Variants in ARPC1A observed in about 807,000 individuals in gnomAD.
ARPC1A encodes actin related protein 2/3 complex subunit 1A, also known as actin-related protein 2/3 complex subunit 1A.
A neutral mutation model predicts 46.9 loss-of-function variants in ARPC1A; 8 were observed. That is an observed-to-expected ratio of 0.17 (90% CI 0.10 to 0.31). ARPC1A has a LOEUF of 0.31. Ranked by LOEUF, ARPC1A falls within the 10% of genes least tolerant of loss-of-function variation. The probability of loss-of-function intolerance (pLI) is 1.00; values close to 1 mark genes in which losing one functional copy is unlikely to be tolerated. For missense variants in ARPC1A, 286 were observed against 483.6 expected (o/e 0.59, Z 3.83); for synonymous variants, 152 against 169.0 (o/e 0.90, Z 0.78).
chr7:99,330,111 T>C (rs1018230222), intron 1 of ARPC1A, among the ~76,000 whole-genome samples: 12 of 152,176 alleles, frequency 7.9e-5, no homozygotes, highest in African/African-American at 2.4e-5. Flanking sequence ...CATTTAAAAT[T>C]TTTTTAAATT....
chr7:99,341,864 TCAAGGA>T, intron 3 of ARPC1A, among the ~76,000 whole-genome samples: 1 of 151,952 alleles, frequency 6.6e-6, no homozygotes, highest in East Asian at 1.9e-4. Context: ...GGGCAGGAGA[TCAAGGA>T]TCAGACATAT....
At chr7:99,344,157 ATAGT>A (rs1378433446) in intron 3 of ARPC1A, 132 bp from the exon 4 acceptor site, 3 of 732,636 alleles carry the variant, frequency 4.1e-6, no homozygotes, top group Non-Finnish European at 6.9e-6. Flanking sequence ...CAGGACATAG[ATAGT>A]GGGAAGGATG....
chr7:99,357,661 T>C (rs988417448), intron 6 of ARPC1A, among the ~76,000 whole-genome samples: 1 of 152,104 alleles, frequency 6.6e-6, no homozygotes, highest in Non-Finnish European at 1.5e-5. Context: ...GTTTCTTGCA[T>C]GAAGTGAGGT....
intron 9 of ARPC1A, among the ~76,000 whole-genome samples, chr7:99,364,235 G>C (rs1043898736): frequency 6.6e-6 from 1 of 151,030 alleles, no homozygotes; most frequent in Non-Finnish European, 1.5e-5. Flanking sequence ...GATTACAGGC[G>C]TGAGCCACCA....
chr7:99,358,792 G>A (rs1028357492), intron 7 of ARPC1A: 25 of 179,702 alleles, frequency 1.4e-4, no homozygotes, highest in Non-Finnish European at 2.7e-4. Context: ...CACCCACCTT[G>A]GCCTCCCAAA....
intron 5 of ARPC1A, among the ~76,000 whole-genome samples, chr7:99,353,281 C>G (rs1793577434): frequency 6.6e-6 from 1 of 151,320 alleles, no homozygotes; most frequent in South Asian, 2.1e-4. Context: ...GCCTCAGCCT[C>G]CGGAGTAGCT....
At chr7:99,349,056 GGTT>G (rs890123816) in intron 5 of ARPC1A, 97 bp downstream of exon 5, 33 of 1,282,556 alleles carry the variant, frequency 2.6e-5, no homozygotes, top group Non-Finnish European at 3.4e-5. Flanking sequence ...GTTTTGTTGT[GGTT>G]GTTGTTGTTT....
Position 99,327,925 on chromosome 7 carries a change from C to G in ARPC1A, c.-30+1921C>G, listed in dbSNP as rs560461380. Among the ~76,000 whole-genome samples the G allele has an allele frequency of 2.8e-4, 42 of 152,228 alleles. No homozygotes were observed. The South Asian group carries it at 8.7e-3, about 32-fold the overall frequency. ...GAGTGATTAGGAACTAGGTGAATCA[C>G]GGTCTTGAAAACTGACCCTAAACAG... On this transcript the variant is annotated intron_variant, in intron 1 of 9. Transcript: ENST00000262942.
At chr7:99,351,011 G>C (rs1157842047) in intron 5 of ARPC1A, among the ~76,000 whole-genome samples, 1 of 151,594 alleles carries the variant, frequency 6.6e-6, no homozygotes, top group Non-Finnish European at 1.5e-5. Context: ...TTTATATCCA[G>C]GAATACTCAA....
At chr7:99,350,286 T>C in intron 5 of ARPC1A, among the ~76,000 whole-genome samples, 1 of 152,182 alleles carries the variant, frequency 6.6e-6, no homozygotes, top group South Asian at 2.1e-4. Context: ...CCTTTCTCCC[T>C]GTCTTTCTTG....
chr7:99,349,154 G>A (rs746711076), intron 5 of ARPC1A, among the ~76,000 whole-genome samples, 195 bp downstream of exon 5: 11 of 152,076 alleles, frequency 7.2e-5, no homozygotes, highest in South Asian at 2.1e-4. Context: ...GGGCTCAAGC[G>A]ATCCTCCAGC....
chr7:99,345,682 G>A (rs1007701809), intron 4 of ARPC1A, among the ~76,000 whole-genome samples: 2 of 151,896 alleles, frequency 1.3e-5, no homozygotes, highest in Non-Finnish European at 2.9e-5. Context: ...TTATTTTTCT[G>A]TGTGGCATGT....
chr7:99,359,668 A>C lies in ARPC1A; in HGVS notation c.913A>C (p.Asn305His). 6.2e-7 allele frequency: 1 copy of C among 1,614,210 alleles called. No individual in the cohort carries two copies. Among genetic ancestry groups the C allele is most frequent in the Non-Finnish European group, 8.5e-7 (1 of 1,180,054 alleles). Reference sequence around the variant, plus strand: ...CATGTCTGCCATGGAACGCTTCCGCAACATGGACAAGAGAGCCACAACTGA... The same window carrying C: ...CATGTCTGCCATGGAACGCTTCCGCCACATGGACAAGAGAGCCACAACTGA... The part of the protein sequence containing the change: ...RNMSAMERFR[N>H]MDKRATTEDR... The change falls in exon 8 of 10, where the codon AAC (asparagine) becomes CAC (histidine). Residue 305 changes from asparagine to histidine, a missense_variant. Coordinates refer to ENST00000262942, the MANE Select transcript of ARPC1A (RefSeq NM_006409.4).
intron 8 of ARPC1A, among the ~76,000 whole-genome samples, chr7:99,361,461 C>CA (rs5886105): frequency 0.047 from 5,126 of 110,072 alleles, 141 homozygotes; most frequent in South Asian, 0.075. Context: ...GATCCTATCT[C>CA]AAAAAAAAAA....
At chr7:99,353,787 AT>A (rs554466208) in intron 5 of ARPC1A, 121 bp from the exon 6 acceptor site, 865 of 921,368 alleles carry the variant, frequency 9.4e-4, no homozygotes, top group Non-Finnish European at 1.1e-3. Context: ...CTCATGTTTT[AT>A]TTTTTTTTAA....
chr7:99,332,604 A>ATTT (rs57321957), intron 1 of ARPC1A, among the ~76,000 whole-genome samples: 3 of 141,860 alleles, frequency 2.1e-5, no homozygotes, highest in African/African-American at 7.7e-5. Context: ...AATGAGATAG[A>ATTT]TTTTTTTTTT....
Position 99,366,058 on chromosome 7 carries a change from T to G in ARPC1A, c.*129T>G, listed in dbSNP as rs1793836128. 8.8e-7 allele frequency: 1 copy of G among 1,130,246 alleles called. No individual in the cohort carries two copies. The highest frequency in any genetic ancestry group is 1.2e-6 in the Non-Finnish European group (1 of 812,596). 70.0% of individuals were successfully genotyped at this position (1,130,246 alleles called of 1,614,324 possible). On this transcript the variant is annotated 3_prime_UTR_variant, in exon 10 of 10. Coordinates refer to ENST00000262942, the MANE Select transcript of ARPC1A (RefSeq NM_006409.4). ...CATATCACGCCAATGCCGTGTGGTTTTGTTTGAATATAAAATTGGTGAAAG... is the reference window on the plus strand; with the variant it reads ...CATATCACGCCAATGCCGTGTGGTTGTGTTTGAATATAAAATTGGTGAAAG...
intron 8 of ARPC1A, among the ~76,000 whole-genome samples, chr7:99,362,670 C>T (rs191909015): frequency 1.1e-3 from 174 of 151,504 alleles, no homozygotes; most frequent in African/African-American, 3.9e-3. Flanking sequence ...TATTTAAGCT[C>T]ACAGGCTGTA....
Position 99,353,915 on chromosome 7 carries a change from T to C in ARPC1A, c.507T>C (p.Phe169=). 1 of 1,613,934 alleles carries C rather than the reference T, an allele frequency of 6.2e-7. No homozygotes were observed. Among genetic ancestry groups the C allele is most frequent in the Middle Eastern group, 1.7e-4 (1 of 6,056 alleles). Residue 169 remains phenylalanine, a synonymous_variant, in exon 6 of 10, where the codon TTT becomes TTC. Coordinates refer to ENST00000262942, the MANE Select transcript of ARPC1A (RefSeq NM_006409.4). ...CTCTCTGCCCTTTAAACAGAGTGTT[T>C]TCTGCCTACATTAAAGAAGTGGATG... ...AGSCDFKCRV[F]SAYIKEVDEK... is the part of the protein sequence containing the mutation.
Sources: allele counts gnomAD v4.1 joint callset (sites outside exome capture counted in the v4.1 genomes callset), GRCh38; gene constraint gnomAD v4.1.1; transcripts MANE v1.5; gene names NCBI Gene and HGNC (gene_info 2026-07-23, HGNC 2026-07-21).